Variants in DNAH2 observed in about 807,000 individuals in gnomAD.
The protein encoded by DNAH2 is dynein axonemal heavy chain 2.
A neutral mutation model predicts 523.5 loss-of-function variants in DNAH2; 323 were observed. The observed-to-expected ratio is 0.62, with a 90% CI of 0.56 to 0.68. The LOEUF (loss-of-function observed/expected upper bound fraction) is 0.68. Among genes scored for constraint, DNAH2 ranks in the 30% least tolerant of loss-of-function variants. The probability of loss-of-function intolerance (pLI) is 0.00; values close to 1 mark genes in which losing one functional copy is unlikely to be tolerated. For missense variants in DNAH2, 4,907 were observed against 5,701.5 expected (o/e 0.86, Z 4.49); for synonymous variants, 2,093 against 2,177.4 (o/e 0.96, Z 1.08).
rs567613934 is a variant in DNAH2 at position 7,828,985 on chromosome 17, C to G, written c.11854-1315C>G. On this transcript the variant is annotated intron_variant, in intron 77 of 85. Coordinates refer to ENST00000572933, the MANE Select transcript of DNAH2 (RefSeq NM_020877.5). The surrounding 1 kb of genome is among the most constrained non-coding windows in gnomAD (Gnocchi z 4.1). Reference sequence around the variant, plus strand: ...AAGATAGAGACTGGCTCCATGATGCCCGGTGAATCAAGTCCAAATGGCTCA... The same window carrying G: ...AAGATAGAGACTGGCTCCATGATGCGCGGTGAATCAAGTCCAAATGGCTCA... Among the ~76,000 whole-genome samples, 12 of 151,226 alleles carry G rather than the reference C, an allele frequency of 7.9e-5. No homozygotes were observed. Among genetic ancestry groups the G allele is most frequent in the Non-Finnish European group, 1.3e-4 (9 of 67,992 alleles).
intron 60 of DNAH2, 76 bp downstream of exon 60, chr17:7,805,150 C>T (rs2077335038): frequency 1.3e-6 from 2 of 1,593,028 alleles, no homozygotes; most frequent in Non-Finnish European, 1.7e-6. Context: ...TCTTCTTTGT[C>T]CTCAAAGACT....
At chr17:7,801,018 G>A (rs953195438) in intron 56 of DNAH2, among the ~76,000 whole-genome samples, 2 of 151,350 alleles carry the variant, frequency 1.3e-5, no homozygotes, top group Non-Finnish European at 2.9e-5. Context: ...GACTACAAGC[G>A]CATGCCACCA....
At position 7,739,763 on chromosome 17, in the gene DNAH2, TG is replaced by T. The variant is rs1474951945; in HGVS notation, c.1204del (p.Glu402LysfsTer19). On this transcript the variant is annotated frameshift_variant, in exon 9 of 86. Coordinates refer to ENST00000572933, the MANE Select transcript of DNAH2 (RefSeq NM_020877.5). LOFTEE classifies it high-confidence loss of function. ...VCDCQYHFAR[W>X]EDGKQGPLPC... ...TGACTGTCAGTATCACTTCGCCCGC[TG>T]GGAAGATGGCAAGCAGGGTCCCCTT... The T allele has an allele frequency of 1.5e-5, 24 of 1,613,744 alleles. No homozygotes were observed. Among genetic ancestry groups the T allele is most frequent in the Non-Finnish European group, 2.0e-5 (24 of 1,180,016 alleles).
rs910953918 is a variant in DNAH2 at position 7,776,805 on chromosome 17, G to C, written c.4974G>C (p.Gln1658His). 2 of 1,613,034 alleles carry C rather than the reference G, an allele frequency of 1.2e-6. No homozygotes were observed. The highest frequency in any genetic ancestry group is 1.7e-6 in the Non-Finnish European group (2 of 1,179,296). Residue 1658 changes from glutamine (Q) to histidine (H), a missense_variant, in exon 32 of 86, where the codon CAG (glutamine) becomes CAC (histidine). Gln to His is a conservative substitution (Grantham distance 24). This residue lies in a region of DNAH2 where 2,806 missense variants were observed against 3,190.8 expected (regional missense o/e 0.88). Transcript: ENST00000572933. ...GQVVITASQI[Q>H]WTADVTKCLL... ...TGGTGATCACTGCCAGTCAGATCCA[G>C]TGGACGGCTGATGTCACCAAGTGCC...
At chr17:7,800,403 G>C (rs1416211078) in intron 56 of DNAH2, among the ~76,000 whole-genome samples, 1 of 151,988 alleles carries the variant, frequency 6.6e-6, no homozygotes, top group Non-Finnish European at 1.5e-5. Flanking sequence ...TGTCCTCAAG[G>C]TTCATCCATG....
In DNAH2 at chr17:7,830,704, C is replaced by CG. The variant is rs1365015166; in HGVS notation, c.12092_12093insG (p.Pro4032ThrfsTer6). On this transcript the variant is annotated frameshift_variant, in exon 79 of 86. Transcript: ENST00000572933. LOFTEE classifies it high-confidence loss of function. ...CTCTATCTCGATGAGTACGAGGAGA[C>CG]ACCTTGGGACGCACTTAAGTACCTC... 3 of 1,614,190 alleles carry CG rather than the reference C, an allele frequency of 1.9e-6. No individual in the cohort carries two copies. Among genetic ancestry groups the CG allele is most frequent in the Non-Finnish European group, 2.5e-6 (3 of 1,180,046 alleles).
At chr17:7,797,102 A>AG in intron 50 of DNAH2, 74 bp from the exon 51 acceptor site, 2 of 152,796 alleles carry the variant, frequency 1.3e-5, no homozygotes, top group Admixed American at 2.1e-4. Flanking sequence ...ACTCTGTCCC[A>AG]AAAAAAAAAA....
In DNAH2 at chr17:7,743,129, G is replaced by A; in HGVS notation, c.1891G>A (p.Val631Ile). Residue 631 changes from valine (V) to isoleucine (I), a missense_variant, in exon 12 of 86, where the codon GTC (valine) becomes ATC (isoleucine). Physicochemically the swap from Val to Ile is conservative, Grantham distance 29. Around this residue, in one of 3 missense-constraint regions of DNAH2, gnomAD observed 2,806 missense variants for 3,190.8 expected, o/e 0.88. Coordinates refer to ENST00000572933, the MANE Select transcript of DNAH2 (RefSeq NM_020877.5). ...CCAGGAGAAGGCGGGCATGCTGGATGTCAACTTTGACAAGTACAGGAGCCA... is the reference window on the plus strand; with the variant it reads ...CCAGGAGAAGGCGGGCATGCTGGATATCAACTTTGACAAGTACAGGAGCCA... The part of the protein sequence containing the change: ...ISQEKAGMLD[V>I]NFDKSLLILF... The A allele has an allele frequency of 4.4e-6, 7 of 1,587,100 alleles. No homozygotes were observed. In the South Asian group the frequency reaches 7.0e-5, roughly 16 times the overall value.
Position 7,805,396 on chromosome 17 carries a change from A to G in DNAH2, c.9442+3A>G, listed in dbSNP as rs1221498632. 1 of 1,614,192 alleles carries G rather than the reference A, an allele frequency of 6.2e-7. No homozygotes were observed. The highest frequency in any genetic ancestry group is 8.5e-7 in the Non-Finnish European group (1 of 1,180,032). On this transcript the variant is annotated splice_donor_region_variant and intron_variant, in intron 61 of 85. Transcript: ENST00000572933. The stretch of plus-strand genomic sequence containing the variant: ...GGCAGAGGCCAAGAGGCAGCTAGGT[A>G]AGCTAGAGACAATGAAATCAATGAC...
chr17:7,809,097 A>G (rs891369669), intron 63 of DNAH2, among the ~76,000 whole-genome samples: 1 of 152,222 alleles, frequency 6.6e-6, no homozygotes, highest in Admixed American at 6.5e-5. Context: ...CTTGCCCTGT[A>G]ACTTTGTTGG....
chr17:7,725,605 G>A (rs890493943), intron 3 of DNAH2, among the ~76,000 whole-genome samples: 1 of 148,714 alleles, frequency 6.7e-6, no homozygotes, highest in African/African-American at 2.5e-5. Context: ...GCTGATTTTT[G>A]TATTTTTTTT....
intron 57 of DNAH2, 66 bp from the exon 58 acceptor site, chr17:7,801,812 C>G (rs1237870559): frequency 6.2e-7 from 1 of 1,610,700 alleles, no homozygotes; most frequent in African/African-American, 1.3e-5. Context: ...CGCCTCTCAT[C>G]GCACTCCCAG....
intron 48 of DNAH2, among the ~76,000 whole-genome samples, chr17:7,793,628 T>C (rs373018477): frequency 6.6e-6 from 1 of 151,536 alleles, no homozygotes; most frequent in African/African-American, 2.4e-5. Flanking sequence ...GGGTGCCGGG[T>C]TAATTTTATG....
At chr17:7,784,720 A>C (rs774948808) in intron 39 of DNAH2, among the ~76,000 whole-genome samples, 6 of 152,232 alleles carry the variant, frequency 3.9e-5, no homozygotes, top group Non-Finnish European at 7.3e-5. Context: ...TGATAACTCT[A>C]CTGCTATCAG....
chr17:7,808,475 G>A, intron 63 of DNAH2, among the ~76,000 whole-genome samples: 1 of 152,090 alleles, frequency 6.6e-6, no homozygotes, highest in African/African-American at 2.4e-5. Context: ...TTTATCATTT[G>A]ATTTTTTAAA....
chr17:7,775,043 TG>T (rs2076411317), intron 29 of DNAH2, 67 bp downstream of exon 29: 7 of 1,511,722 alleles, frequency 4.6e-6, no homozygotes, highest in Non-Finnish European at 6.4e-6. Context: ...TGAAAAGCTT[TG>T]GAGGGGACCC....
intron 18 of DNAH2, among the ~76,000 whole-genome samples, chr17:7,763,223 A>T (rs569402035): frequency 6.6e-6 from 1 of 152,112 alleles, no homozygotes; most frequent in African/African-American, 2.4e-5. Flanking sequence ...CAGTGGCGCG[A>T]TCTCGGCTTA....
In DNAH2 at chr17:7,818,149, TG is replaced by T; in HGVS notation, c.10387+55del. The T allele has an allele frequency of 2.5e-6, 4 of 1,606,722 alleles. 1 individual carries two copies. Among genetic ancestry groups the T allele is most frequent in the Non-Finnish European group, 3.4e-6 (4 of 1,178,566 alleles). On this transcript the variant is annotated intron_variant, in intron 68 of 85. Coordinates refer to ENST00000572933, the MANE Select transcript of DNAH2 (RefSeq NM_020877.5). Reference sequence around the variant, plus strand: ...AGTGGGATGCTAGGGAGGGAAGGGCTGGCTCTCTGACTGTGTCCTCTTCTTA... The same window carrying T: ...AGTGGGATGCTAGGGAGGGAAGGGCTGCTCTCTGACTGTGTCCTCTTCTTA...
intron 12 of DNAH2, 48 bp downstream of exon 12, chr17:7,743,190 T>C (rs1427529521): frequency 6.3e-7 from 1 of 1,588,052 alleles, no homozygotes; most frequent in East Asian, 2.2e-5. Flanking sequence ...CTTCTGCAGC[T>C]CTCCCAAGAA....
Sources: gnomAD v4.1 joint callset for allele counts (sites outside exome capture counted in the v4.1 genomes callset) on GRCh38, gnomAD v4.1.1 for gene constraint, gnomAD v4.1.1 regional missense constraint, Gnocchi (gnomAD v3.1) non-coding constraint, MANE v1.5 for transcripts, NCBI Gene and HGNC (gene_info 2026-07-23, HGNC 2026-07-21) for gene names.